The following NOVA1 variants were observed in gnomAD, a reference collection of about 807,000 sequenced individuals.
NOVA1 encodes the protein RNA-binding protein Nova-1.
NOVA1 carries 7 observed loss-of-function variants against 38.0 expected under a neutral mutation model. The ratio of observed to expected loss-of-function variants is 0.18; its 90% CI spans 0.10 to 0.35. NOVA1 has a LOEUF of 0.35. Among genes scored for constraint, NOVA1 ranks in the 10% least tolerant of loss-of-function variants. The pLI, the probability that NOVA1 is intolerant of heterozygous loss-of-function variation, is 1.00. For missense variants in NOVA1, 460 were observed against 616.0 expected (o/e 0.75, Z 2.68); for synonymous variants, 270 against 232.5 (o/e 1.16, Z -1.47).
At chr14:26,543,243 C>G (rs1890581364) in intron 2 of NOVA1, among the ~76,000 whole-genome samples, 1 of 151,802 alleles carries the variant, frequency 6.6e-6, no homozygotes, top group South Asian at 2.1e-4. Context: ...AACTGTTGAT[C>G]CCTCAAACTT....
intron 2 of NOVA1, among the ~76,000 whole-genome samples, chr14:26,514,945 AAT>A (rs1461975786): frequency 3.3e-5 from 5 of 151,864 alleles, no homozygotes; most frequent in African/African-American, 1.2e-4. Context: ...TACCTACCTT[AAT>A]ATACAATTTC....
intron 2 of NOVA1, among the ~76,000 whole-genome samples, chr14:26,569,636 T>A (rs1242914431): frequency 2.6e-5 from 4 of 152,178 alleles, no homozygotes; most frequent in African/African-American, 9.7e-5. Flanking sequence ...AATTAGGTAA[T>A]CCTTAGATCT....
intron 2 of NOVA1, among the ~76,000 whole-genome samples, chr14:26,576,254 G>A (rs1483303111): frequency 6.6e-6 from 1 of 151,492 alleles, no homozygotes; most frequent in Non-Finnish European, 1.5e-5. Context: ...CTGATGAACA[G>A]GTATTATTCA....
intron 2 of NOVA1, among the ~76,000 whole-genome samples, chr14:26,556,302 C>A (rs2138664140): frequency 6.6e-6 from 1 of 152,110 alleles, no homozygotes; most frequent in Non-Finnish European, 1.5e-5. Context: ...ACAACTTGAT[C>A]AATGGACAGA....
At chr14:26,484,135 G>A (rs1015576675) in intron 2 of NOVA1, among the ~76,000 whole-genome samples, 5 of 151,734 alleles carry the variant, frequency 3.3e-5, no homozygotes, top group African/African-American at 1.2e-4. Flanking sequence ...ATAGATGAAG[G>A]GTATAAAGAA....
At chr14:26,551,738 C>A (rs572610983) in intron 2 of NOVA1, among the ~76,000 whole-genome samples, 3 of 151,980 alleles carry the variant, frequency 2.0e-5, no homozygotes, top group East Asian at 3.9e-4. Flanking sequence ...AAGAATCTAG[C>A]AAGGGATCAC....
chr14:26,587,103 A>C (rs1742734644), intron 2 of NOVA1, among the ~76,000 whole-genome samples: 1 of 151,014 alleles, frequency 6.6e-6, no homozygotes. Context: ...AATTACTGGC[A>C]TTAGAGAAAC....
intron 2 of NOVA1, among the ~76,000 whole-genome samples, chr14:26,516,017 A>C (rs1330877061): frequency 6.6e-6 from 1 of 152,070 alleles, no homozygotes; most frequent in Non-Finnish European, 1.5e-5. Flanking sequence ...CAATCCTTCC[A>C]CCTGTTTATG....
chr14:26,510,441 A>T (rs1171435632), intron 2 of NOVA1, among the ~76,000 whole-genome samples: 1 of 152,212 alleles, frequency 6.6e-6, no homozygotes, highest in East Asian at 1.9e-4. Context: ...AACATGCATA[A>T]AATAAAAGGG....
chr14:26,596,470 G>C, intron 1 of NOVA1: 1 of 1,136,194 alleles, frequency 8.8e-7, no homozygotes, highest in Non-Finnish European at 1.2e-6. Context: ...AGACACCCCG[G>C]TAAATCCAGC....
chr14:26,469,738 G>T (rs2138243365), intron 4 of NOVA1, among the ~76,000 whole-genome samples: 1 of 152,198 alleles, frequency 6.6e-6, no homozygotes, highest in Non-Finnish European at 1.5e-5. Context: ...ATAGGCAAGT[G>T]CCACCATGCC....
At chr14:26,523,893 G>GGTGCTT (rs1889095794) in intron 2 of NOVA1, among the ~76,000 whole-genome samples, 6 of 151,770 alleles carry the variant, frequency 4.0e-5, no homozygotes, top group African/African-American at 1.5e-4. Context: ...TGGGACTACA[G>GGTGCTT]GCGCCCGACA....
At position 26,597,211 on chromosome 14, in the gene NOVA1, G is replaced by C. The variant is rs562313680; in HGVS notation, c.136+90C>G. 2,433 of 975,174 alleles carry C rather than the reference G, an allele frequency of 2.5e-3. 53 individuals carry two copies. The African/African-American group carries it at 0.038, about 15-fold the overall frequency. The allele number at this position is 975,174 out of a possible 1,614,324, so 60.4% of individuals were successfully genotyped here. On this transcript the variant is annotated intron_variant, in intron 1 of 4. Transcript: ENST00000539517. ...AGGTGTCCGGGCCGCGGGAGGGAGG[G>C]AGGGAAGGAGGGAGGGAGGACGGCG...
intron 2 of NOVA1, among the ~76,000 whole-genome samples, chr14:26,499,091 C>G (rs571706850): frequency 6.6e-6 from 1 of 152,276 alleles, no homozygotes; most frequent in Admixed American, 6.5e-5. Context: ...GTAGGATGAA[C>G]TATCTAATGT....
intron 4 of NOVA1, among the ~76,000 whole-genome samples, chr14:26,451,704 G>T (rs1234101472): frequency 6.6e-6 from 1 of 152,060 alleles, no homozygotes; most frequent in African/African-American, 2.4e-5. Context: ...TTAAAATAGT[G>T]TTAACTTTTA....
At chr14:26,488,599 T>G (rs1211386033) in intron 2 of NOVA1, among the ~76,000 whole-genome samples, 1 of 152,198 alleles carries the variant, frequency 6.6e-6, no homozygotes, top group East Asian at 1.9e-4. Flanking sequence ...ATGATGACGA[T>G]TCATTCATCC....
At position 26,597,753 on chromosome 14, in the gene NOVA1, A is replaced by T; in HGVS notation, c.-317T>A. The T allele has an allele frequency of 2.2e-6, 2 of 909,834 alleles. No individual in the cohort carries two copies. The highest frequency in any genetic ancestry group is 2.6e-6 in the Non-Finnish European group (2 of 773,252). 56.4% of individuals were successfully genotyped at this position (909,834 alleles called of 1,614,324 possible). Reference sequence around the variant, plus strand: ...CAGGGGGAGAGAGTGGAGAAGGGAGAGGGGCGAGTGAATGAGCGGGAGGAG... The same window carrying T: ...CAGGGGGAGAGAGTGGAGAAGGGAGTGGGGCGAGTGAATGAGCGGGAGGAG... On this transcript the variant is annotated 5_prime_UTR_variant, in exon 1 of 5. Coordinates refer to ENST00000539517, the MANE Select transcript of NOVA1 (RefSeq NM_002515.3).
intron 2 of NOVA1, among the ~76,000 whole-genome samples, chr14:26,532,355 A>G (rs960493446): frequency 6.6e-6 from 1 of 152,250 alleles, no homozygotes; most frequent in Admixed American, 6.5e-5. Context: ...AACAATAAAA[A>G]GGAATAAATT....
chr14:26,489,724 T>A (rs1886187266), intron 2 of NOVA1, among the ~76,000 whole-genome samples: 2 of 152,118 alleles, frequency 1.3e-5, no homozygotes, highest in South Asian at 4.1e-4. Context: ...TAGTCCCAGC[T>A]ACTTGGGAGG....
Sources: allele counts gnomAD v4.1 joint callset (sites outside exome capture counted in the v4.1 genomes callset), GRCh38; gene constraint gnomAD v4.1.1; transcripts MANE v1.5; gene names NCBI Gene and HGNC (gene_info 2026-07-23, HGNC 2026-07-21).